ZNF568: variants seen among roughly 807,000 people sequenced by gnomAD.
ZNF568 encodes the protein p53 inhibitor of SCO2 activation.
A neutral mutation model predicts 18.1 loss-of-function variants in ZNF568; 11 were observed. The observed-to-expected ratio is 0.61, with a 90% CI of 0.38 to 1.00. The LOEUF is 1.00. ZNF568 is among the 50% of genes least tolerant of loss of function. ZNF568 has a pLI of 0.01. For synonymous variants in ZNF568, 213 were observed against 246.6 expected (o/e 0.86, Z 1.28); for missense variants, 639 against 768.2 (o/e 0.83, Z 1.99).
At chr19:36,958,647 GTC>G (rs1404413038) in intron 6 of ZNF568, among the ~76,000 whole-genome samples, 1 of 119,264 alleles carries the variant, frequency 8.4e-6, no homozygotes, top group Non-Finnish European at 1.7e-5. Flanking sequence ...TTGAGACAGG[GTC>G]TCTCTTTCGC....
At chr19:36,974,572 G>C in intron 7 of ZNF568, 1 of 1,183,902 alleles carries the variant, frequency 8.4e-7, no homozygotes, top group East Asian at 2.6e-5. Flanking sequence ...TTGGACAAAG[G>C]GGAAGAGGGG....
At chr19:36,925,299 AG>A in intron 4 of ZNF568, 41 bp downstream of exon 4, 1 of 1,588,106 alleles carries the variant, frequency 6.3e-7, no homozygotes, top group Non-Finnish European at 8.6e-7. Context: ...ATTATTTTGC[AG>A]TGCAGTTACG....
rs181296727 is a variant in ZNF568 at position 36,960,373 on chromosome 19, C to T, written c.359-14047C>T. Among the ~76,000 whole-genome samples, 939 of 152,130 alleles carry T rather than the reference C, an allele frequency of 6.2e-3. 28 individuals carry two copies. The highest frequency in any genetic ancestry group is 0.05 in the East Asian group (258 of 5,168). On this transcript the variant is annotated intron_variant, in intron 6 of 7. Transcript: ENST00000427117. ...CCTCAGGTGATCCACCCGCCTCGGC[C>T]TCCCAAAGTGTTGGGATTACAGGTA...
intron 4 of ZNF568, among the ~76,000 whole-genome samples, chr19:36,934,084 C>T (rs2073745827): frequency 6.7e-6 from 1 of 150,160 alleles, no homozygotes; most frequent in Non-Finnish European, 1.5e-5. Flanking sequence ...CTTTGTATTC[C>T]TGTTTATTTC....
intron 2 of ZNF568, among the ~76,000 whole-genome samples, chr19:36,985,125 G>C (rs1644669): frequency 6.6e-6 from 1 of 151,918 alleles, no homozygotes; most frequent in African/African-American, 2.4e-5. Flanking sequence ...TTGTCTTTTT[G>C]AATTGCATTC....
downstream of ZNF568, among the ~76,000 whole-genome samples, chr19:36,980,618 A>G (rs2146340484): frequency 6.6e-6 from 1 of 152,298 alleles, no homozygotes; most frequent in East Asian, 1.9e-4. Flanking sequence ...AACTCAATGA[A>G]AGCTGTTATA....
At chr19:36,983,074 T>C (rs1202317911), downstream of ZNF568, among the ~76,000 whole-genome samples, 1 of 152,246 alleles carries the variant, frequency 6.6e-6, no homozygotes, top group East Asian at 1.9e-4. Context: ...ATGGAAATTA[T>C]ATGAAATTCA....
chr19:36,926,839 C>T (rs1359234386), intron 4 of ZNF568, among the ~76,000 whole-genome samples: 1 of 98,382 alleles, frequency 1.0e-5, no homozygotes, highest in African/African-American at 4.9e-5. Flanking sequence ...AAATGAAGCA[C>T]AGAGGTTAAG....
intron 6 of ZNF568, among the ~76,000 whole-genome samples, chr19:36,944,227 C>T (rs925938326): frequency 4.0e-5 from 6 of 151,674 alleles, no homozygotes; most frequent in Admixed American, 1.3e-4. Context: ...GGAGAAACCC[C>T]GTCTCTACTA....
intron 7 of ZNF568, among the ~76,000 whole-genome samples, chr19:36,975,152 C>CTTTCTTTTT (rs1555738274): frequency 4.7e-5 from 6 of 126,550 alleles, no homozygotes; most frequent in Admixed American, 8.0e-5. Flanking sequence ...TTCTTTCTTT[C>CTTTCTTTTT]TTTTTTTTTT....
chr19:36,964,672 C>T (rs892073318), intron 6 of ZNF568, among the ~76,000 whole-genome samples: 14 of 152,122 alleles, frequency 9.2e-5, no homozygotes, highest in African/African-American at 3.1e-4. Context: ...AAAAATTTGG[C>T]GGACGGTGTG....
intron 6 of ZNF568, among the ~76,000 whole-genome samples, chr19:36,974,233 C>T (rs1024051859): frequency 6.6e-6 from 1 of 152,100 alleles, no homozygotes; most frequent in Non-Finnish European, 1.5e-5. Flanking sequence ...GGGGGGCTCT[C>T]CCAGGACTTC....
rs1346379920 is a variant in ZNF568 at position 36,950,896 on chromosome 19, A to C, written c.1743A>C (p.Thr581=). The C allele has an allele frequency of 3.1e-6, 5 of 1,613,188 alleles. No individual in the cohort carries two copies. The African/African-American group carries it at 6.7e-5, about 22-fold the overall frequency. The change falls in exon 7 of 7, where the codon ACA becomes ACC. Residue 581 remains threonine (T), a synonymous_variant. Coordinates refer to ENST00000333987, the MANE Select transcript of ZNF568 (RefSeq NM_198539.4). ...TCACTCTTCATGTGAGAAGTCACAC[A>C]GGGGAGAAACCCTATGAATGTAATA... ...SSLTLHVRSH[T]GEKPYECNKC...
At chr19:36,930,452 G>T (rs1319771943) in intron 4 of ZNF568, among the ~76,000 whole-genome samples, 1 of 151,886 alleles carries the variant, frequency 6.6e-6, no homozygotes, top group African/African-American at 2.4e-5. Flanking sequence ...CTCGTGATCC[G>T]CCCGCCTCGG....
intron 4 of ZNF568, among the ~76,000 whole-genome samples, chr19:36,926,103 C>G (rs780521502): frequency 6.6e-6 from 1 of 152,018 alleles, no homozygotes; most frequent in Non-Finnish European, 1.5e-5. Flanking sequence ...GTTTTTAATC[C>G]AAGTTGAGCT....
chr19:36,936,188 C>T (rs2073786788), intron 4 of ZNF568, among the ~76,000 whole-genome samples: 1 of 152,208 alleles, frequency 6.6e-6, no homozygotes, highest in Middle Eastern at 3.4e-3. Context: ...ATACTAAGTT[C>T]CATTAAGATA....
chr19:36,960,112 T>A (rs2074136904), intron 6 of ZNF568, among the ~76,000 whole-genome samples: 1 of 131,176 alleles, frequency 7.6e-6, no homozygotes, highest in Non-Finnish European at 1.6e-5. Flanking sequence ...TTGTTCTACT[T>A]TTTTTTTTTT....
intron 4 of ZNF568, chr19:36,991,871 G>A: frequency 6.5e-7 from 1 of 1,533,610 alleles, no homozygotes; most frequent in Non-Finnish European, 8.8e-7. Context: ...ACTGGAATGG[G>A]GAGGCCATAG....
rs777205945 is a variant in ZNF568, at chr19:36,949,752, G to A, written c.599G>A (p.Arg200Lys). The A allele has an allele frequency of 1.2e-6, 2 of 1,613,962 alleles. No individual in the cohort carries two copies. Among genetic ancestry groups the A allele is most frequent in the East Asian group, 4.5e-5 (2 of 44,846 alleles). The stretch of plus-strand genomic sequence containing the variant: ...CTTAGATATGAGAAAGGCTGTGTAA[G>A]AGAGAAACAGAGTAATGAGTTTGGG... ...DLLRYEKGCV[R>K]EKQSNEFGKP... The change falls in exon 7 of 7, where the codon AGA becomes AAA. Residue 200 changes from arginine (R) to lysine (K), a missense_variant. By Grantham distance (26) the Arg-to-Lys change is conservative (BLOSUM62 2). Coordinates refer to ENST00000333987, the MANE Select transcript of ZNF568 (RefSeq NM_198539.4).
Sources: allele counts gnomAD v4.1 joint callset (sites outside exome capture counted in the v4.1 genomes callset), GRCh38; gene constraint gnomAD v4.1.1; transcripts MANE v1.5; gene names NCBI Gene and HGNC (gene_info 2026-07-23, HGNC 2026-07-21).